The following SYNCRIP variants were observed in gnomAD, a reference collection of about 807,000 sequenced individuals.
The protein encoded by SYNCRIP is synaptotagmin binding cytoplasmic RNA interacting protein.
Under a neutral mutation model 68.9 loss-of-function variants are expected in SYNCRIP, and 9 were observed. The observed-to-expected ratio is 0.13, with a 90% confidence interval of 0.08 to 0.23. The LOEUF is 0.23. Among genes scored for constraint, SYNCRIP ranks in the 10% least tolerant of loss-of-function variants. The probability of loss-of-function intolerance (pLI) is 1.00; values close to 1 mark genes in which losing one functional copy is unlikely to be tolerated. For synonymous variants in SYNCRIP, 258 were observed against 254.0 expected, an observed-to-expected ratio of 1.02 and a Z score of -0.15; for missense variants, 414 against 770.6, an observed-to-expected ratio of 0.54 and a Z score of 5.48.
intron 1 of SYNCRIP, among the ~76,000 whole-genome samples, chr6:85,642,130 G>C (rs536521336): frequency 1.1e-4 from 16 of 152,276 alleles, no homozygotes; most frequent in African/African-American, 3.6e-4. Context: ...GCCGCGGTCG[G>C]AGCCCCCAGA....
chr6:85,612,980 A>T, downstream of SYNCRIP: 1 of 1,522,092 alleles, frequency 6.6e-7, no homozygotes, highest in Non-Finnish European at 8.9e-7. Flanking sequence ...AATAATGTGT[A>T]CATACATAAT....
intron 7 of SYNCRIP, among the ~76,000 whole-genome samples, chr6:85,623,562 C>CAAA (rs67258131): frequency 3.5e-4 from 22 of 63,250 alleles, no homozygotes; most frequent in African/African-American, 9.5e-4. Flanking sequence ...AGACTGTCTC[C>CAAA]AAAAAAAAAA....
At chr6:85,609,521 A>G (rs977285488), downstream of SYNCRIP, 1 of 151,964 alleles carries the variant, frequency 6.6e-6, no homozygotes, top group African/African-American at 2.4e-5. Flanking sequence ...CTTAAGCTAA[A>G]AACTGCAATC....
intron 9 of SYNCRIP, 74 bp from the exon 10 acceptor site, chr6:85,619,013 A>G (rs1583253589): frequency 1.4e-6 from 2 of 1,450,434 alleles, no homozygotes; most frequent in East Asian, 4.6e-5. Context: ...TTGGAATATC[A>G]TTTATCATTA....
chr6:85,641,588 C>CAG, intron 1 of SYNCRIP, 137 bp from the exon 2 acceptor site: 1 of 835,566 alleles, frequency 1.2e-6, no homozygotes. Context: ...GCCTTACAGT[C>CAG]ACTATCGCCT....
chr6:85,631,615 GTGT>G (rs1023575913), intron 6 of SYNCRIP, among the ~76,000 whole-genome samples: 2 of 152,208 alleles, frequency 1.3e-5, no homozygotes, highest in African/African-American at 4.8e-5. Flanking sequence ...AAGATAAAAA[GTGT>G]TAGATGCTAA....
chr6:85,624,173 A>G (rs535781375), intron 6 of SYNCRIP, 61 bp from the exon 7 acceptor site: 1 of 1,504,796 alleles, frequency 6.6e-7, no homozygotes, highest in African/African-American at 1.4e-5. Context: ...ACAGTTAATT[A>G]TAAAAGATAC....
intron 8 of SYNCRIP, among the ~76,000 whole-genome samples, chr6:85,620,141 G>A (rs9450304): frequency 0.12 from 18,087 of 152,156 alleles, 1,658 homozygotes; most frequent in African/African-American, 0.26. Context: ...AGCTACTCGG[G>A]AGGCTGAAGC....
chr6:85,641,326 T>C lies in SYNCRIP; in HGVS notation c.114A>G (p.Lys38=), dbSNP rs762541142. The C allele has an allele frequency of 6.2e-7, 1 of 1,612,110 alleles. No homozygotes were observed. The highest frequency in any genetic ancestry group is 1.3e-5 in the African/African-American group (1 of 75,006). The change falls in exon 2 of 11, where the codon AAA becomes AAG. Residue 38 remains lysine, a synonymous_variant. Transcript: ENST00000369622. ...AAATTTCATCTAGTTTTTCAGCAAC[T>C]TTCTGTGGTAAACCAGCATCAAGCA... ...QTLLDAGLPQ[K]VAEKLDEIYV...
At chr6:85,643,306 CTCTT>C (rs1447024946), upstream of SYNCRIP, 3 of 152,198 alleles carry the variant, frequency 2.0e-5, no homozygotes, top group African/African-American at 7.2e-5. Flanking sequence ...GTCGGCTCCT[CTCTT>C]TCTCTCTCCC....
chr6:85,642,071 C>T (rs193166177), intron 1 of SYNCRIP, among the ~76,000 whole-genome samples: 1 of 152,328 alleles, frequency 6.6e-6, no homozygotes, highest in African/African-American at 2.4e-5. Flanking sequence ...GGCAACCCAA[C>T]GAATCCCAAA....
chr6:85,615,352 T>TA lies in SYNCRIP; in HGVS notation c.1281-6dup, dbSNP rs769330817. On this transcript the variant is annotated splice_polypyrimidine_tract_variant and splice_region_variant and intron_variant, in intron 10 of 10. Coordinates refer to ENST00000369622, the MANE Select transcript of SYNCRIP (RefSeq NM_006372.5). ...TAATAGTAGTAATCGTCATACCTAT[T>TA]AAAAAAGAGACAGAGATTAGAGTTT... 6.9e-7 allele frequency: 1 copy of TA among 1,459,558 alleles called. No individual in the cohort carries two copies. The highest frequency in any genetic ancestry group is 9.1e-7 in the Non-Finnish European group (1 of 1,098,654). 90.4% of individuals were successfully genotyped at this position (1,459,558 alleles called of 1,614,324 possible).
Position 85,614,019 on chromosome 6 carries a change from T to C in SYNCRIP, c.*737A>G. The C allele has an allele frequency of 1.0e-6, 1 of 985,444 alleles. No homozygotes were observed. Among genetic ancestry groups the C allele is most frequent in the Non-Finnish European group, 1.2e-6 (1 of 829,716 alleles). 61.0% of individuals were successfully genotyped at this position (985,444 alleles called of 1,614,324 possible). A position where few individuals can be genotyped will look rare whatever the true frequency, so the allele number is the denominator to read the frequency against. ...TTTTATTTTTGATGGGAACATGAAG[T>C]CTGTTGTAAAATAGCACTTTAAACC... On this transcript the variant is annotated 3_prime_UTR_variant, in exon 11 of 11. Coordinates refer to ENST00000369622, the MANE Select transcript of SYNCRIP (RefSeq NM_006372.5).
intron 1 of SYNCRIP, among the ~76,000 whole-genome samples, chr6:85,642,181 C>A (rs2128306438): frequency 6.6e-6 from 1 of 152,292 alleles, no homozygotes; most frequent in South Asian, 2.1e-4. Flanking sequence ...CACCGAGGCA[C>A]CGGCGGCGCC....
chr6:85,628,773 A>G (rs992840630), intron 6 of SYNCRIP, among the ~76,000 whole-genome samples: 1 of 152,230 alleles, frequency 6.6e-6, no homozygotes, highest in African/African-American at 2.4e-5. Flanking sequence ...CCATCTTGGT[A>G]GATATAAACT....
Position 85,622,614 on chromosome 6 carries a change from T to C in SYNCRIP, c.876A>G (p.Glu292=). The change falls in exon 8 of 11, where the codon GAA becomes GAG. Residue 292 remains glutamate, a synonymous_variant. Transcript: ENST00000369622. ...GGGCAGCTGTTTTGTGATCTTCATA[T>C]TCAAGAAAGCAAAAGCCTCTGTTTT... ...KKKNRGFCFL[E]YEDHKTAAQA... is the part of the protein sequence containing the mutation. The C allele has an allele frequency of 6.2e-7, 1 of 1,614,262 alleles. No homozygotes were observed. The highest frequency in any genetic ancestry group is 8.5e-7 in the Non-Finnish European group (1 of 1,180,044).
At chr6:85,634,581 G>T (rs895745112) in intron 6 of SYNCRIP, among the ~76,000 whole-genome samples, 38 of 145,390 alleles carry the variant, frequency 2.6e-4, no homozygotes, top group East Asian at 1.4e-3. Context: ...CTGGTGTGTT[G>T]TTTTTTTTTT....
chr6:85,641,025 G>C (rs1445119818), intron 2 of SYNCRIP, among the ~76,000 whole-genome samples: 1 of 152,176 alleles, frequency 6.6e-6, no homozygotes, highest in East Asian at 1.9e-4. Flanking sequence ...CACATGGCCT[G>C]TTCCCAACAT....
chr6:85,634,246 ACT>A (rs1491168581), intron 6 of SYNCRIP, among the ~76,000 whole-genome samples: 1 of 152,236 alleles, frequency 6.6e-6, no homozygotes, highest in African/African-American at 2.4e-5. Flanking sequence ...ACTCGAAATC[ACT>A]GTTACTAATG....
Sources: allele counts gnomAD v4.1 joint callset (sites outside exome capture counted in the v4.1 genomes callset), GRCh38; gene constraint gnomAD v4.1.1; transcripts MANE v1.5; gene names NCBI Gene and HGNC (gene_info 2026-07-23, HGNC 2026-07-21).